The following PKD1L3 variants were observed in gnomAD, a reference collection of about 807,000 sequenced individuals.
The protein encoded by PKD1L3 is polycystin 1 like 3, transient receptor potential channel interacting, also known as polycystin-1-like protein 3.
PKD1L3 carries 239 observed loss-of-function variants against 184.1 expected under a neutral mutation model. The ratio of observed to expected loss-of-function variants is 1.30; its 90% CI spans 1.17 to 1.45. PKD1L3 has a LOEUF of 1.45. Ranked by LOEUF, PKD1L3 falls within the 40% of genes most tolerant of loss-of-function variation. PKD1L3 has a pLI of 0.00. For missense variants in PKD1L3, 2,660 were observed against 2,067.2 expected (o/e 1.29, Z -5.56); for synonymous variants, 996 against 778.8 (o/e 1.28, Z -4.64).
At chr16:71,959,180 G>C (rs1374595264) in intron 16 of PKD1L3, among the ~76,000 whole-genome samples, 1 of 151,848 alleles carries the variant, frequency 6.6e-6, no homozygotes, top group African/African-American at 2.4e-5. Flanking sequence ...GGGAGGCCAA[G>C]GTGGGTGGAT....
rs112428208 is a variant in PKD1L3, at chr16:71,948,854, T to C, written c.3618+929A>G. Among the ~76,000 whole-genome samples the C allele has an allele frequency of 2.3e-3, 310 of 136,928 alleles. 2 individuals carry two copies. Among genetic ancestry groups the C allele is most frequent in the African/African-American group, 7.9e-3 (290 of 36,744 alleles). The allele number at this position is 136,928 out of a possible 152,430, so 89.8% of individuals were successfully genotyped here. A position where few individuals can be genotyped will look rare whatever the true frequency, so the allele number is the denominator to read the frequency against. On this transcript the variant is annotated intron_variant, in intron 21 of 29. Transcript: ENST00000620267. The stretch of plus-strand genomic sequence containing the variant: ...ACTTTTTGGTGTGTAATTCCATGAG[T>C]GTTGTTTAATACTTAGAGTTGTATA...
At chr16:71,971,066 T>C (rs764749165) in intron 12 of PKD1L3, among the ~76,000 whole-genome samples, 2 of 152,128 alleles carry the variant, frequency 1.3e-5, no homozygotes, top group Admixed American at 6.6e-5. Context: ...GCATGGCACG[T>C]AGAAGACACT....
Position 71,990,342 on chromosome 16 carries a change from G to A in PKD1L3, c.536-13C>T. On this transcript the variant is annotated splice_polypyrimidine_tract_variant and intron_variant, in intron 3 of 29. Coordinates refer to ENST00000620267, the MANE Select transcript of PKD1L3 (RefSeq NM_181536.2). The stretch of plus-strand genomic sequence containing the variant: ...AGATGACCAGGTCCTATAGAAAAAA[G>A]AAAGCAGACTAAGTTCAAGTAAAAG... 6.5e-7 allele frequency: 1 copy of A among 1,540,488 alleles called. No individual in the cohort carries two copies. Among genetic ancestry groups the A allele is most frequent in the South Asian group, 1.2e-5 (1 of 83,616 alleles).
intron 22 of PKD1L3, among the ~76,000 whole-genome samples, chr16:71,945,305 T>TAC (rs377392088): frequency 2.4e-3 from 140 of 59,370 alleles, no homozygotes; most frequent in Middle Eastern, 0.011. Context: ...TATATATATA[T>TAC]ACACACACAC....
rs553946693 is a variant in PKD1L3 at position 72,000,136 on chromosome 16, C to T, written c.-158G>A. Among the ~76,000 whole-genome samples the T allele has an allele frequency of 6.6e-6, 1 of 150,656 alleles. No individual in the cohort carries two copies. The highest frequency in any genetic ancestry group is 3.2e-3 in the Middle Eastern group (1 of 316). On this transcript the variant is annotated 5_prime_UTR_variant, in exon 1 of 30. Coordinates refer to ENST00000620267, the MANE Select transcript of PKD1L3 (RefSeq NM_181536.2). ...AGGTTTTGTTTTGAGGACCCAGGTG[C>T]AGGTCCTACAAGCTGAAAACAAATA...
intron 16 of PKD1L3, among the ~76,000 whole-genome samples, chr16:71,959,828 CAAG>C (rs2039201448): frequency 6.6e-6 from 1 of 151,918 alleles, no homozygotes; most frequent in African/African-American, 2.4e-5. Context: ...ATTAAAAATA[CAAG>C]AAGTGGTCAG....
rs1567537740 is a variant in PKD1L3 at position 71,978,332 on chromosome 16, C to G, written c.1450G>C (p.Val484Leu). The change falls in exon 10 of 30, where the codon GTT becomes CTT. Residue 484 changes from valine to leucine, a missense_variant. Physicochemically the swap from Val to Leu is conservative, Grantham distance 32 (BLOSUM62 1). Transcript: ENST00000620267. ...AGTAACACACTTCCAATGCTTCCAA[C>G]AATGTTTCTGTTGTCCAAATCCTTG... Reference protein sequence around the residue: ...PFKDLDNRNIVGSIGSVLLSA... With the variant: ...PFKDLDNRNILGSIGSVLLSA... The G allele has an allele frequency of 6.4e-7, 1 of 1,550,786 alleles. No homozygotes were observed. Among genetic ancestry groups the G allele is most frequent in the Non-Finnish European group, 8.7e-7 (1 of 1,146,486 alleles).
intron 25 of PKD1L3, 104 bp downstream of exon 25, chr16:71,937,188 T>C (rs7191848): frequency 0.25 from 299,035 of 1,185,676 alleles, 39,558 homozygotes; most frequent in Middle Eastern, 0.31. Flanking sequence ...CCCGAGTAGC[T>C]GGGACCACAG....
At chr16:71,952,511 G>A (rs1397181779) in intron 18 of PKD1L3, among the ~76,000 whole-genome samples, 6 of 147,678 alleles carry the variant, frequency 4.1e-5, no homozygotes, top group African/African-American at 9.9e-5. Context: ...GAGCCACCGT[G>A]CCCAGCTGGG....
chr16:71,980,496 T>G (rs1567541127), intron 7 of PKD1L3, among the ~76,000 whole-genome samples: 2 of 152,180 alleles, frequency 1.3e-5, no homozygotes, highest in African/African-American at 2.4e-5. Flanking sequence ...CACAGGATTG[T>G]GCAACCATCA....
chr16:71,982,278 CTTT>C (rs35324670), intron 6 of PKD1L3, 43 bp from the exon 7 acceptor site: 18,041 of 424,976 alleles, frequency 0.042, no homozygotes, highest in South Asian at 0.058. Flanking sequence ...GAATTGTTTG[CTTT>C]TTTTTTTTTT....
At chr16:71,948,938 G>C (rs540237365) in intron 21 of PKD1L3, among the ~76,000 whole-genome samples, 119 of 151,382 alleles carry the variant, frequency 7.9e-4, no homozygotes, top group African/African-American at 2.9e-3. Flanking sequence ...CCCTCAGGCT[G>C]TCCCTTTGTA....
intron 2 of PKD1L3, among the ~76,000 whole-genome samples, chr16:71,995,716 TG>T (rs1441149688): frequency 1.3e-5 from 2 of 152,230 alleles, no homozygotes; most frequent in Non-Finnish European, 2.9e-5. Flanking sequence ...TGCATCTTTT[TG>T]TACTTTTGCT....
At position 71,942,844 on chromosome 16, in the gene PKD1L3, T is replaced by C; in HGVS notation, c.4040A>G (p.Tyr1347Cys). Residue 1347 changes from tyrosine (Y) to cysteine (C), a missense_variant, in exon 24 of 30, where the codon TAC (tyrosine) becomes TGC (cysteine). Transcript: ENST00000620267. ...HILLPSLYGDYRGKNAVLEPS... is the reference protein window; with the variant it reads ...HILLPSLYGDCRGKNAVLEPS... ...CTCCAGGACTGCATTCTTACCTCTGTAATCCCCATACAGGCTAGGAAGAAG... is the reference window on the plus strand; with the variant it reads ...CTCCAGGACTGCATTCTTACCTCTGCAATCCCCATACAGGCTAGGAAGAAG... 6.4e-7 allele frequency: 1 copy of C among 1,551,626 alleles called. No homozygotes were observed. The highest frequency in any genetic ancestry group is 8.7e-7 in the Non-Finnish European group (1 of 1,146,974).
Position 71,986,360 on chromosome 16 carries a change from A to G in PKD1L3, c.695T>C (p.Ile232Thr). ...AGACACGGGCATGGTGAGCTGTGTT[A>G]TCACAGGGAGAGGCTGGCTGCTGGG... Reference protein sequence around the residue: ...SEPSSQPLPVITQLTMPVSVT... With the variant: ...SEPSSQPLPVTTQLTMPVSVT... The change falls in exon 5 of 30, where the codon ATA becomes ACA. Residue 232 changes from isoleucine to threonine, a missense_variant. By Grantham distance (89) the Ile-to-Thr change is moderately conservative (BLOSUM62 -1). Coordinates refer to ENST00000620267, the MANE Select transcript of PKD1L3 (RefSeq NM_181536.2). The G allele has an allele frequency of 6.4e-7, 1 of 1,551,454 alleles. No homozygotes were observed. The highest frequency in any genetic ancestry group is 2.4e-5 in the East Asian group (1 of 40,926).
At chr16:71,997,478 G>A (rs1347032660) in intron 2 of PKD1L3, among the ~76,000 whole-genome samples, 1 of 151,852 alleles carries the variant, frequency 6.6e-6, no homozygotes, top group East Asian at 1.9e-4. Context: ...GCTGGGCGCA[G>A]TGGCTCATGC....
At chr16:71,990,007 A>G (rs527285342) in intron 4 of PKD1L3, among the ~76,000 whole-genome samples, 2 of 150,272 alleles carry the variant, frequency 1.3e-5, no homozygotes, top group African/African-American at 2.4e-5. Context: ...CCCGGGAGGT[A>G]GAGGTTGCAG....
intron 21 of PKD1L3, among the ~76,000 whole-genome samples, chr16:71,949,541 T>C (rs1312765579): frequency 1.3e-5 from 2 of 151,968 alleles, no homozygotes; most frequent in African/African-American, 4.8e-5. Flanking sequence ...TTTGTAGACA[T>C]GGAGTTTCAT....
chr16:71,940,433 C>T (rs2038321909), intron 24 of PKD1L3, among the ~76,000 whole-genome samples: 1 of 152,098 alleles, frequency 6.6e-6, no homozygotes, highest in South Asian at 2.1e-4. Flanking sequence ...AAACTGACTG[C>T]CCAAAAAGAG....
Sources: allele counts gnomAD v4.1 joint callset (sites outside exome capture counted in the v4.1 genomes callset), GRCh38; gene constraint gnomAD v4.1.1; transcripts MANE v1.5; gene names NCBI Gene and HGNC (gene_info 2026-07-23, HGNC 2026-07-21).